The following ZSWIM2 variants were observed in gnomAD, a reference collection of about 807,000 sequenced individuals.
The protein encoded by ZSWIM2 is E3 ubiquitin-protein ligase ZSWIM2.
ZSWIM2 carries 38 observed loss-of-function variants against 48.4 expected under a neutral mutation model. The ratio of observed to expected loss-of-function variants is 0.79; its 90% CI spans 0.61 to 1.03. The LOEUF (loss-of-function observed/expected upper bound fraction) is 1.03. Among genes scored for constraint, ZSWIM2 ranks in the 50% least tolerant of loss-of-function variants. The pLI is 0.00. For synonymous variants in ZSWIM2, 240 were observed against 251.3 expected, an observed-to-expected ratio of 0.96 and a Z score of 0.42; for missense variants, 776 against 730.2, an observed-to-expected ratio of 1.06 and a Z score of -0.72.
chr2:186,838,088 T>C (rs10200056), intron 4 of ZSWIM2, among the ~76,000 whole-genome samples: 22,048 of 151,342 alleles, frequency 0.15, 2,517 homozygotes, highest in African/African-American at 0.33. Flanking sequence ...TTTTGTTAAA[T>C]TATCAGAAGA....
intron 3 of ZSWIM2, among the ~76,000 whole-genome samples, chr2:186,839,429 A>T (rs1385521677): frequency 1.3e-5 from 2 of 151,744 alleles, no homozygotes; most frequent in Non-Finnish European, 3.0e-5. Context: ...CTTGAATATG[A>T]TAGTGTTCAT....
chr2:186,829,893 AAGC>A lies in ZSWIM2; in HGVS notation c.942-16_942-14del. 1 of 1,613,154 alleles carries A rather than the reference AAGC, an allele frequency of 6.2e-7. No individual in the cohort carries two copies. The highest frequency in any genetic ancestry group is 8.5e-7 in the Non-Finnish European group (1 of 1,179,492). Reference sequence around the variant, plus strand: ...TGTGTAAACTTGGCTGAATGAGAATAAGCAGAGACATGAGTGTTTACATGTTAT... The same window carrying A: ...TGTGTAAACTTGGCTGAATGAGAATAAGAGACATGAGTGTTTACATGTTAT... On this transcript the variant is annotated splice_polypyrimidine_tract_variant and intron_variant, in intron 7 of 8. Transcript: ENST00000295131.
At chr2:186,844,838 G>T in intron 2 of ZSWIM2, 81 bp from the exon 3 acceptor site, 2 of 1,183,786 alleles carry the variant, frequency 1.7e-6, no homozygotes, top group Non-Finnish European at 2.3e-6. Context: ...ATTTAGAATA[G>T]AAATTGAATT....
intron 3 of ZSWIM2, among the ~76,000 whole-genome samples, chr2:186,843,303 T>C (rs1658922396): frequency 6.6e-6 from 1 of 151,516 alleles, no homozygotes; most frequent in Admixed American, 6.6e-5. Flanking sequence ...TATAAAACCA[T>C]ACAACCTAGT....
chr2:186,827,909 A>T lies in ZSWIM2; in HGVS notation c.*75T>A. ...AATTTTATATACATTTGTCAAGACT[A>T]TGTGTGCTTTTTATGTTCTATATAA... is the stretch of plus-strand genomic sequence containing the variant. On this transcript the variant is annotated 3_prime_UTR_variant, in exon 9 of 9. Coordinates refer to ENST00000295131, the MANE Select transcript of ZSWIM2 (RefSeq NM_182521.3). 8.1e-7 allele frequency: 1 copy of T among 1,227,412 alleles called. No individual in the cohort carries two copies. Among genetic ancestry groups the T allele is most frequent in the Non-Finnish European group, 1.1e-6 (1 of 908,906 alleles). The allele number at this position is 1,227,412 out of a possible 1,614,324, so 76.0% of individuals were successfully genotyped here.
intron 6 of ZSWIM2, 101 bp from the exon 7 acceptor site, chr2:186,833,333 C>A: frequency 1.8e-6 from 1 of 543,428 alleles, no homozygotes. Flanking sequence ...GAACAATACA[C>A]AATATTTTAA....
At position 186,839,090 on chromosome 2, in the gene ZSWIM2, T is replaced by C. The variant is rs1275232360; in HGVS notation, c.363A>G (p.Pro121=). 2 of 1,612,072 alleles carry C rather than the reference T, an allele frequency of 1.2e-6. No individual in the cohort carries two copies. Among genetic ancestry groups the C allele is most frequent in the Non-Finnish European group, 8.5e-7 (1 of 1,178,542 alleles). The change falls in exon 4 of 9, where the codon CCA becomes CCG. Residue 121 remains proline, a synonymous_variant. Coordinates refer to ENST00000295131, the MANE Select transcript of ZSWIM2 (RefSeq NM_182521.3). ...CATGTTCATTTTCGTCATTTGTTCC[T>C]GGTTGGGGAGTTTGAACTCGATGTA... ...RGIHRVQTPQ[P]GTNDENEHVE... is the part of the protein sequence containing the mutation.
intron 2 of ZSWIM2, among the ~76,000 whole-genome samples, chr2:186,846,372 A>G (rs1692003014): frequency 1.3e-5 from 2 of 152,028 alleles, no homozygotes; most frequent in South Asian, 4.1e-4. Context: ...GCCAACAAAC[A>G]TAATAAAATG....
At chr2:186,835,499 G>T (rs1574138919) in intron 5 of ZSWIM2, among the ~76,000 whole-genome samples, 2 of 143,660 alleles carry the variant, frequency 1.4e-5, no homozygotes, top group East Asian at 1.9e-4. Context: ...ATACAGGGAA[G>T]ATTTTAATAA....
chr2:186,848,991 T>G lies in ZSWIM2; in HGVS notation c.140A>C (p.Glu47Ala). The change falls in exon 1 of 9, where the codon GAG becomes GCG. Residue 47 changes from glutamate (E) to alanine (A), a missense_variant. Glu to Ala is a moderately radical substitution (Grantham distance 107, BLOSUM62 -1). Coordinates refer to ENST00000295131, the MANE Select transcript of ZSWIM2 (RefSeq NM_182521.3). ...TCGGAAATCCATGTATTCCGGCTCC[T>G]CCTCCCTCAGCAGGAAGCCAGTGGG... Reference protein sequence around the residue: ...MGPTGFLLREEEPEYMDFRVF... With the variant: ...MGPTGFLLREAEPEYMDFRVF... The G allele has an allele frequency of 6.2e-7, 1 of 1,613,998 alleles. No homozygotes were observed. Among genetic ancestry groups the G allele is most frequent in the South Asian group, 1.1e-5 (1 of 91,064 alleles).
At chr2:186,835,167 A>AT (rs1302255705) in intron 5 of ZSWIM2, among the ~76,000 whole-genome samples, 1 of 152,066 alleles carries the variant, frequency 6.6e-6, no homozygotes, top group African/African-American at 2.4e-5. Context: ...AAATTATATT[A>AT]TTTTTTCCCC....
At chr2:186,831,305 A>C (rs1031756808) in intron 7 of ZSWIM2, among the ~76,000 whole-genome samples, 14 of 151,712 alleles carry the variant, frequency 9.2e-5, no homozygotes, top group Admixed American at 9.2e-4. Context: ...CATGGGCTAT[A>C]TATCAACTGA....
Position 186,849,039 on chromosome 2 carries a change from A to G in ZSWIM2, c.92T>C (p.Ile31Thr). The change falls in exon 1 of 9, where the codon ATC (isoleucine) becomes ACC (threonine). Residue 31 changes from isoleucine to threonine, a missense_variant. By Grantham distance (89) the Ile-to-Thr change is moderately conservative (BLOSUM62 -1). Transcript: ENST00000295131. Reference sequence around the variant, plus strand: ...GGGGCCCATCTCTCGTAGGAGGTAGATGCTGCTACTCAGCGCCTGGTCTTG... The same window carrying G: ...GGGGCCCATCTCTCGTAGGAGGTAGGTGCTGCTACTCAGCGCCTGGTCTTG... Reference protein sequence around the residue: ...WHQDQALSSSIYLLREMGPTG... With the variant: ...WHQDQALSSSTYLLREMGPTG... 3 of 1,614,180 alleles carry G rather than the reference A, an allele frequency of 1.9e-6. No individual in the cohort carries two copies. Among genetic ancestry groups the G allele is most frequent in the Non-Finnish European group, 2.5e-6 (3 of 1,180,016 alleles).
At chr2:186,839,303 T>C (rs775660628) in intron 3 of ZSWIM2, 134 bp from the exon 4 acceptor site, 2 of 653,710 alleles carry the variant, frequency 3.1e-6, no homozygotes, top group African/African-American at 1.9e-5. Flanking sequence ...CACACTGACA[T>C]TGACCCCTTC....
intron 5 of ZSWIM2, among the ~76,000 whole-genome samples, chr2:186,836,092 A>C (rs2105818238): frequency 6.6e-6 from 1 of 152,250 alleles, no homozygotes; most frequent in Admixed American, 6.5e-5. Context: ...CATTTGGGGA[A>C]CATTGATTGT....
At chr2:186,845,006 G>C (rs1691970936) in intron 2 of ZSWIM2, among the ~76,000 whole-genome samples, 1 of 151,474 alleles carries the variant, frequency 6.6e-6, no homozygotes. Context: ...TTGTCAGAGA[G>C]AGTCCATGTA....
At chr2:186,848,763 A>G (rs1692048412) in intron 1 of ZSWIM2, 2 of 611,808 alleles carry the variant, frequency 3.3e-6, no homozygotes, top group South Asian at 4.5e-5. Flanking sequence ...AACCTCCAAA[A>G]AAGAAACTTC....
intron 4 of ZSWIM2, 76 bp from the exon 5 acceptor site, chr2:186,837,630 T>TATATATA (rs1559113859): frequency 8.1e-6 from 3 of 371,386 alleles, no homozygotes; most frequent in African/African-American, 7.9e-5. Context: ...ATATATATAT[T>TATATATA]ATATATATAT....
Position 186,828,098 on chromosome 2 carries a change from G to A in ZSWIM2, c.1788C>T (p.Asn596=). The A allele has an allele frequency of 6.2e-7, 1 of 1,613,388 alleles. No homozygotes were observed. The highest frequency in any genetic ancestry group is 8.5e-7 in the Non-Finnish European group (1 of 1,179,666). Reference sequence around the variant, plus strand: ...ATTTTCGTGTAATTTCCCCCATACAGTTACTATACCTTTTAGACAAACTAA... The same window carrying A: ...ATTTTCGTGTAATTTCCCCCATACAATTACTATACCTTTTAGACAAACTAA... The part of the protein sequence containing the change: ...AKLSLSKRYS[N]CMGEITRKCS... The change falls in exon 9 of 9, where the codon AAC becomes AAT. Residue 596 remains asparagine (N), a synonymous_variant. Transcript: ENST00000295131.
Sources: gnomAD v4.1 joint callset for allele counts (sites outside exome capture counted in the v4.1 genomes callset) on GRCh38, gnomAD v4.1.1 for gene constraint, MANE v1.5 for transcripts, NCBI Gene and HGNC (gene_info 2026-07-23, HGNC 2026-07-21) for gene names.